The following ZC3H12C variants were observed in gnomAD, a reference collection of about 807,000 sequenced individuals.
The protein encoded by ZC3H12C is probable ribonuclease ZC3H12C.
ZC3H12C carries 20 observed loss-of-function variants against 76.3 expected under a neutral mutation model. The observed-to-expected ratio is 0.26, with a 90% CI of 0.18 to 0.38. ZC3H12C has a LOEUF of 0.38. ZC3H12C is among the 10% of genes least tolerant of loss of function. ZC3H12C has a pLI of 1.00. For missense variants in ZC3H12C, 874 were observed against 1,086.5 expected (o/e 0.80, Z 2.75); for synonymous variants, 352 against 399.6 (o/e 0.88, Z 1.42).
At position 110,170,166 on chromosome 11, in the gene ZC3H12C, A is replaced by G. The variant is rs1207184964; in HGVS notation, c.*4429A>G. The G allele has an allele frequency of 6.6e-6, 1 of 152,200 alleles. No individual in the cohort carries two copies. Among genetic ancestry groups the G allele is most frequent in the Admixed American group, 6.5e-5 (1 of 15,282 alleles). 9.4% of individuals were successfully genotyped at this position (152,200 alleles called of 1,614,324 possible). A position where few individuals can be genotyped will look rare whatever the true frequency, so the allele number is the denominator to read the frequency against. ...TGAGTTTTCTTACCTGTTTACACCC[A>G]TTATTTATTAGAGATATTTCTTGTG... On this transcript the variant is annotated 3_prime_UTR_variant, in exon 6 of 6. Transcript: ENST00000278590.
intron 2 of ZC3H12C, among the ~76,000 whole-genome samples, chr11:110,143,326 A>G (rs1159147990): frequency 6.6e-6 from 1 of 152,174 alleles, no homozygotes. Flanking sequence ...ATCATTAAAC[A>G]TTGAAAAATA....
At chr11:110,147,472 G>C (rs900607591) in intron 2 of ZC3H12C, among the ~76,000 whole-genome samples, 4 of 151,818 alleles carry the variant, frequency 2.6e-5, no homozygotes, top group African/African-American at 9.7e-5. Flanking sequence ...GAAGGGGAGG[G>C]AGAGCATTAG....
At chr11:110,126,216 C>CTTTTTTTTTTTTTTTTTTTTTTTTTT (rs56199067) in intron 1 of ZC3H12C, among the ~76,000 whole-genome samples, 3 of 86,248 alleles carry the variant, frequency 3.5e-5, no homozygotes, top group South Asian at 4.1e-4. Context: ...TTGTTTTCTT[C>CTTTTTTTTTTTTTTTTTTTTTTTTTT]TTTTTTTTTT....
intron 2 of ZC3H12C, among the ~76,000 whole-genome samples, chr11:110,143,658 A>C (rs536921522): frequency 5.3e-4 from 81 of 152,208 alleles, no homozygotes; most frequent in African/African-American, 1.9e-3. Flanking sequence ...TATTTTTAAA[A>C]ACACACACAC....
At chr11:110,114,821 C>T (rs1565250870) in intron 1 of ZC3H12C, among the ~76,000 whole-genome samples, 1 of 151,968 alleles carries the variant, frequency 6.6e-6, no homozygotes, top group Non-Finnish European at 1.5e-5. Flanking sequence ...TTTACACAAA[C>T]GATTTTTAGT....
At chr11:110,137,511 G>A (rs1307788239) in intron 2 of ZC3H12C, 97 bp downstream of exon 2, 10 of 1,370,682 alleles carry the variant, frequency 7.3e-6, no homozygotes, top group Admixed American at 2.9e-5. Flanking sequence ...GGTCATTAAA[G>A]TCAACATTTT....
At chr11:110,101,385 C>T (rs1861211733) in intron 1 of ZC3H12C, among the ~76,000 whole-genome samples, 1 of 152,054 alleles carries the variant, frequency 6.6e-6, no homozygotes, top group Non-Finnish European at 1.5e-5. Context: ...GAAGAAAATG[C>T]CATCTAAGAC....
At chr11:110,151,433 G>A (rs1565265203) in intron 2 of ZC3H12C, among the ~76,000 whole-genome samples, 1 of 152,154 alleles carries the variant, frequency 6.6e-6, no homozygotes, top group South Asian at 2.1e-4. Context: ...ACAAGATCCA[G>A]TGCATTCAGG....
At chr11:110,138,097 AAT>A (rs764795911) in intron 2 of ZC3H12C, among the ~76,000 whole-genome samples, 6 of 151,184 alleles carry the variant, frequency 4.0e-5, no homozygotes, top group Admixed American at 6.6e-5. Flanking sequence ...CCTATAGCAA[AAT>A]ATATATATAT....
chr11:110,163,271 A>T lies in ZC3H12C; in HGVS notation c.1149-2A>T, dbSNP rs1354284660. On this transcript the variant is annotated splice_acceptor_variant, in intron 4 of 5. Coordinates refer to ENST00000278590, the MANE Select transcript of ZC3H12C (RefSeq NM_033390.2). LOFTEE classifies it high-confidence loss of function. ...ATCATTTTTTTATTATCTCCATGAC[A>T]GGTTCATGCCCCCTGATGACCCTCT... is the stretch of plus-strand genomic sequence containing the variant. 6.2e-7 allele frequency: 1 copy of T among 1,609,828 alleles called. No homozygotes were observed.
At chr11:110,155,050 G>T (rs1862350235) in intron 3 of ZC3H12C, among the ~76,000 whole-genome samples, 1 of 152,136 alleles carries the variant, frequency 6.6e-6, no homozygotes, top group South Asian at 2.1e-4. Flanking sequence ...CACTTTGGGA[G>T]ACCGAGGCAG....
intron 1 of ZC3H12C, among the ~76,000 whole-genome samples, chr11:110,126,216 C>CTTTT (rs56199067): frequency 3.5e-5 from 3 of 86,236 alleles, no homozygotes; most frequent in South Asian, 4.1e-4. Flanking sequence ...TTGTTTTCTT[C>CTTTT]TTTTTTTTTT....
Position 110,147,439 on chromosome 11 carries a change from G to A in ZC3H12C, c.774-5480G>A, listed in dbSNP as rs938958194. On this transcript the variant is annotated intron_variant, in intron 2 of 5. Transcript: ENST00000278590. ...TACAGGGAGGGGAATATCACACACC[G>A]GGGCCTGTCAGGGGGTCGGAGGGAA... Among the ~76,000 whole-genome samples the A allele has an allele frequency of 2.0e-4, 30 of 152,062 alleles. 1 individual carries two copies. The Middle Eastern group carries it at 0.01, about 52-fold the overall frequency.
At chr11:110,125,910 T>G (rs1245598765) in intron 1 of ZC3H12C, among the ~76,000 whole-genome samples, 10 of 137,130 alleles carry the variant, frequency 7.3e-5, no homozygotes, top group African/African-American at 2.5e-4. Flanking sequence ...ATCAGAGAGA[T>G]AGTCTAGAAG....
Position 110,152,955 on chromosome 11 carries a change from A to G in ZC3H12C, c.810A>G (p.Ile270Met), listed in dbSNP as rs748109013. 6.2e-6 allele frequency: 10 copies of G among 1,612,598 alleles called. No homozygotes were observed. The highest frequency in any genetic ancestry group is 1.7e-5 in the Admixed American group (1 of 59,856). ...GNKEVFSCRG[I>M]KLAVDWFLER... ...AAGAAGTATTTTCCTGCAGAGGAATAAAATTGGCAGTGGATTGGTTTTTGG... is the reference window on the plus strand; with the variant it reads ...AAGAAGTATTTTCCTGCAGAGGAATGAAATTGGCAGTGGATTGGTTTTTGG... The change falls in exon 3 of 6, where the codon ATA becomes ATG. Residue 270 changes from isoleucine to methionine, a missense_variant. Ile to Met is a conservative substitution (Grantham distance 10). Around this residue, in one of 3 missense-constraint regions of ZC3H12C, gnomAD observed 269 missense variants for 424.9 expected, o/e 0.63. Coordinates refer to ENST00000278590, the MANE Select transcript of ZC3H12C (RefSeq NM_033390.2).
Position 110,131,028 on chromosome 11 carries a change from G to T in ZC3H12C, c.22-5635G>T, listed in dbSNP as rs544410675. The T allele has an allele frequency of 2.0e-5, 31 of 1,535,740 alleles. No homozygotes were observed. The East Asian group carries it at 4.6e-4, about 23-fold the overall frequency. On this transcript the variant is annotated intron_variant, in intron 1 of 5. Coordinates refer to ENST00000278590, the MANE Select transcript of ZC3H12C (RefSeq NM_033390.2). ...CATTGTTCTTCTTGCCTGCCTGGAA[G>T]TCTGCAGCTAAAATTGTGTTAAGGA...
At chr11:110,141,102 G>C (rs1004995909) in intron 2 of ZC3H12C, among the ~76,000 whole-genome samples, 1 of 152,052 alleles carries the variant, frequency 6.6e-6, no homozygotes, top group South Asian at 2.1e-4. Flanking sequence ...ACTCAGCCCC[G>C]CAAAGAGTCA....
At position 110,115,733 on chromosome 11, in the gene ZC3H12C, C is replaced by T. The variant is rs533188152; in HGVS notation, c.22-20930C>T. 2.0e-5 allele frequency among the ~76,000 whole-genome samples: 3 copies of T among 148,178 alleles called. No individual in the cohort carries two copies. In the South Asian group the frequency reaches 6.4e-4, roughly 32 times the overall value. ...TATGGGCATGAGCTACTACACTTAA[C>T]TGTTTTCTCATTTTCTTTTTTTTTT... is the stretch of plus-strand genomic sequence containing the variant. On this transcript the variant is annotated intron_variant, in intron 1 of 5. Transcript: ENST00000278590.
chr11:110,117,980 TTA>T lies in ZC3H12C; in HGVS notation c.22-18674_22-18673del, dbSNP rs1166086855. Among the ~76,000 whole-genome samples the T allele has an allele frequency of 2.3e-3, 89 of 39,134 alleles. 23 individuals carry two copies. The highest frequency in any genetic ancestry group is 1.5e-3 in the Admixed American group (5 of 3,358). 25.7% of individuals were successfully genotyped at this position (39,134 alleles called of 152,430 possible). A position where few individuals can be genotyped will look rare whatever the true frequency, so the allele number is the denominator to read the frequency against. ...ACACATATATACACACACATATATATTATATATATACACACATATATATTATA... is the reference window on the plus strand; with the variant it reads ...ACACATATATACACACACATATATATTATATATACACACATATATATTATA... On this transcript the variant is annotated intron_variant, in intron 1 of 5. Transcript: ENST00000278590.
Sources: allele counts gnomAD v4.1 joint callset (sites outside exome capture counted in the v4.1 genomes callset), GRCh38; gene constraint gnomAD v4.1.1; regional missense constraint gnomAD v4.1.1; transcripts MANE v1.5; gene names NCBI Gene and HGNC (gene_info 2026-07-23, HGNC 2026-07-21).